The following RANBP10 variants were observed in gnomAD, a reference collection of about 807,000 sequenced individuals.
RANBP10 encodes RAN binding protein 10.
Under a neutral mutation model 72.8 loss-of-function variants are expected in RANBP10, and 24 were observed. That is an observed-to-expected ratio of 0.33 (90% CI 0.24 to 0.46). The LOEUF (loss-of-function observed/expected upper bound fraction) is 0.46, where lower values mean the gene tolerates loss of function less well. RANBP10 is among the 20% of genes least tolerant of loss of function. The probability of loss-of-function intolerance (pLI) is 1.00; values close to 1 mark genes in which losing one functional copy is unlikely to be tolerated. For missense variants in RANBP10, 679 were observed against 817.5 expected, an observed-to-expected ratio of 0.83 and a Z score of 2.07; for synonymous variants, 310 against 322.3, an observed-to-expected ratio of 0.96 and a Z score of 0.41.
chr16:67,783,255 G>T (rs1346672840), intron 2 of RANBP10, among the ~76,000 whole-genome samples: 1 of 152,146 alleles, frequency 6.6e-6, no homozygotes, highest in African/African-American at 2.4e-5. Context: ...ACCCAGGCAG[G>T]CCTGGTGGTG....
At chr16:67,771,338 T>G (rs913849056) in intron 3 of RANBP10, among the ~76,000 whole-genome samples, 3 of 151,914 alleles carry the variant, frequency 2.0e-5, no homozygotes, top group African/African-American at 7.2e-5. Flanking sequence ...ACTTTGATCT[T>G]TTTTATTTAT....
intron 2 of RANBP10, among the ~76,000 whole-genome samples, chr16:67,800,111 ACT>A (rs1181047365): frequency 2.0e-5 from 3 of 151,560 alleles, no homozygotes; most frequent in South Asian, 2.1e-4. Flanking sequence ...ACAGAGCGAG[ACT>A]CTGTTTCAAA....
chr16:67,768,461 C>T (rs546496944), intron 3 of RANBP10, among the ~76,000 whole-genome samples: 58 of 151,996 alleles, frequency 3.8e-4, no homozygotes, highest in Non-Finnish European at 5.1e-4. Context: ...GTGGAGGTTG[C>T]GGTGAGCCGA....
intron 2 of RANBP10, among the ~76,000 whole-genome samples, chr16:67,795,221 G>T (rs1346971443): frequency 1.3e-5 from 2 of 152,048 alleles, no homozygotes; most frequent in East Asian, 3.9e-4. Flanking sequence ...CTCCAGCCTG[G>T]GCAACAGAGT....
chr16:67,770,337 C>G lies in RANBP10; in HGVS notation c.400+1697G>C, dbSNP rs1485761286. Among the ~76,000 whole-genome samples, 7 of 151,988 alleles carry G rather than the reference C, an allele frequency of 4.6e-5. No homozygotes were observed. The East Asian group carries it at 1.2e-3, about 25-fold the overall frequency. On this transcript the variant is annotated intron_variant, in intron 3 of 13. Transcript: ENST00000317506. The stretch of plus-strand genomic sequence containing the variant: ...CACGTTCTGATTAACAATGAAAAAC[C>G]AGTTTTCACTCAGATCAATCAAAGG...
At chr16:67,744,214 C>T (rs1293130357) in intron 4 of RANBP10, 74 bp downstream of exon 4, 3 of 1,555,720 alleles carry the variant, frequency 1.9e-6, no homozygotes, top group Non-Finnish European at 2.6e-6. Context: ...CTGCCTTGAG[C>T]ACTTGCCCCT....
At chr16:67,739,898 G>A (rs997651082) in intron 4 of RANBP10, 1 of 152,144 alleles carries the variant, frequency 6.6e-6, no homozygotes, top group Non-Finnish European at 1.5e-5. Flanking sequence ...ATATAAGCAG[G>A]CTACCAGAGC....
At chr16:67,770,903 A>T (rs953770268) in intron 3 of RANBP10, among the ~76,000 whole-genome samples, 4 of 152,218 alleles carry the variant, frequency 2.6e-5, no homozygotes, top group Non-Finnish European at 4.4e-5. Context: ...GGTGGTGCCA[A>T]GATCGCGCCA....
In RANBP10 at chr16:67,737,919, C is replaced by A; in HGVS notation, c.591+94G>T. ...ACACATCCCTGGTTGGGGAAAGAAC[C>A]AGACTCCACACCCTGCACTTGCAGG... On this transcript the variant is annotated intron_variant, in intron 5 of 13. Coordinates refer to ENST00000317506, the MANE Select transcript of RANBP10 (RefSeq NM_020850.3). 2.0e-6 allele frequency: 3 copies of A among 1,465,988 alleles called. No homozygotes were observed. The South Asian group carries it at 3.6e-5, about 18-fold the overall frequency. 90.8% of individuals were successfully genotyped at this position (1,465,988 alleles called of 1,614,324 possible).
chr16:67,797,099 C>T (rs951296931), intron 2 of RANBP10, among the ~76,000 whole-genome samples: 2 of 152,184 alleles, frequency 1.3e-5, no homozygotes, highest in Non-Finnish European at 2.9e-5. Flanking sequence ...CTAGGTTCAT[C>T]CTCCTGTGCT....
chr16:67,753,802 C>T (rs2054238637), intron 3 of RANBP10, among the ~76,000 whole-genome samples: 1 of 152,028 alleles, frequency 6.6e-6, no homozygotes, highest in Admixed American at 6.6e-5. Context: ...ATCCAGGTTT[C>T]TGGCCTGAGC....
At chr16:67,748,289 G>A (rs1489321637) in intron 3 of RANBP10, among the ~76,000 whole-genome samples, 2 of 151,740 alleles carry the variant, frequency 1.3e-5, no homozygotes, top group Non-Finnish European at 2.9e-5. Context: ...GGAGGCCGAG[G>A]CAGGAGGACT....
chr16:67,733,116 A>G (rs2053768574), intron 6 of RANBP10, among the ~76,000 whole-genome samples: 1 of 150,914 alleles, frequency 6.6e-6, no homozygotes, highest in African/African-American at 2.4e-5. Flanking sequence ...TGTAATCTCA[A>G]CACTTTGGGA....
At chr16:67,737,930 C>A (rs2053886468) in intron 5 of RANBP10, 83 bp downstream of exon 5, 1 of 1,486,562 alleles carries the variant, frequency 6.7e-7, no homozygotes, top group Non-Finnish European at 9.2e-7. Context: ...AGACTCCACA[C>A]CCTGCACTTG....
chr16:67,788,636 T>C (rs1200284397), intron 2 of RANBP10, among the ~76,000 whole-genome samples: 1 of 151,332 alleles, frequency 6.6e-6, no homozygotes. Flanking sequence ...GTGATCTGCC[T>C]GCCTTGGCCT....
chr16:67,747,079 G>A (rs1377889061), intron 3 of RANBP10, among the ~76,000 whole-genome samples: 1 of 152,216 alleles, frequency 6.6e-6, no homozygotes, highest in Non-Finnish European at 1.5e-5. Context: ...TAAGATAAGT[G>A]TATGTTTAAT....
Position 67,729,214 on chromosome 16 carries a change from C to T in RANBP10, c.1352+66G>A. 1 of 1,580,294 alleles carries T rather than the reference C, an allele frequency of 6.3e-7. No homozygotes were observed. The highest frequency in any genetic ancestry group is 1.3e-5 in the African/African-American group (1 of 74,322). On this transcript the variant is annotated intron_variant, in intron 10 of 13. Transcript: ENST00000317506. This position sits in a 1 kb window ranked among gnomAD's most constrained non-coding sequence, Gnocchi z 7.1. ...GGTGAAGGGCAGGGCGCTCAAAGGA[C>T]AGACTGCAATGGGCCCAGCTGGCAT...
chr16:67,766,739 A>C (rs568236368), intron 3 of RANBP10, among the ~76,000 whole-genome samples: 1 of 152,300 alleles, frequency 6.6e-6, no homozygotes, highest in South Asian at 2.1e-4. Flanking sequence ...CTTGACAGGA[A>C]CACAAACTAA....
At chr16:67,803,173 G>A (rs2055267479) in intron 2 of RANBP10, among the ~76,000 whole-genome samples, 1 of 152,132 alleles carries the variant, frequency 6.6e-6, no homozygotes, top group Admixed American at 6.6e-5. Context: ...GTGAAAATAG[G>A]AGCTTTGAAG....
Sources: gnomAD v4.1 joint callset for allele counts (sites outside exome capture counted in the v4.1 genomes callset) on GRCh38, gnomAD v4.1.1 for gene constraint, Gnocchi (gnomAD v3.1) non-coding constraint, MANE v1.5 for transcripts, NCBI Gene and HGNC (gene_info 2026-07-23, HGNC 2026-07-21) for gene names.